DDB1: variants seen among roughly 807,000 people sequenced by gnomAD.
DDB1 encodes DNA damage-binding protein 1.
A neutral mutation model predicts 133.1 loss-of-function variants in DDB1; 18 were observed. The observed-to-expected ratio is 0.14, with a 90% CI of 0.09 to 0.20. The LOEUF (loss-of-function observed/expected upper bound fraction) is 0.20, where lower values mean the gene tolerates loss of function less well. DDB1 is among the 10% of genes least tolerant of loss of function. The probability of loss-of-function intolerance (pLI) is 1.00; values close to 1 mark genes in which losing one functional copy is unlikely to be tolerated. For missense variants in DDB1, 828 were observed against 1,459.2 expected (o/e 0.57, Z 7.05); for synonymous variants, 580 against 550.5 (o/e 1.05, Z -0.75).
At chr11:61,317,008 A>C in intron 10 of DDB1, among the ~76,000 whole-genome samples, 5 of 104,384 alleles carry the variant, frequency 4.8e-5, no homozygotes, top group East Asian at 3.3e-4. Context: ...TAGACATGGC[A>C]GCCTGACACC....
rs1856379938 is a variant in DDB1 at position 61,331,813 on chromosome 11, A to G, written c.62-122T>C. On this transcript the variant is annotated intron_variant, in intron 1 of 26. Transcript: ENST00000301764. Reference sequence around the variant, plus strand: ...CTCATTTACTTCACATACTTCTCCAACTCCCTCCAGCTACTCCCCTTCTTG... The same window carrying G: ...CTCATTTACTTCACATACTTCTCCAGCTCCCTCCAGCTACTCCCCTTCTTG... The G allele has an allele frequency of 2.2e-6, 3 of 1,358,820 alleles. No homozygotes were observed. The South Asian group carries it at 4.1e-5, about 19-fold the overall frequency. 84.2% of individuals were successfully genotyped at this position (1,358,820 alleles called of 1,614,324 possible).
chr11:61,304,817 G>C (rs1855858732), intron 21 of DDB1, among the ~76,000 whole-genome samples: 1 of 151,410 alleles, frequency 6.6e-6, no homozygotes, highest in African/African-American at 2.4e-5. Flanking sequence ...GGCGGAGCTT[G>C]CAGTGAGCCA....
intron 8 of DDB1, 177 bp from the exon 9 acceptor site, chr11:61,322,589 G>A (rs914157966): frequency 1.7e-6 from 1 of 596,558 alleles, no homozygotes; most frequent in Admixed American, 2.9e-5. Context: ...TTGTCCCACA[G>A]GTGACCCATT....
intron 10 of DDB1, among the ~76,000 whole-genome samples, chr11:61,316,959 AT>A (rs1856088388): frequency 3.9e-5 from 1 of 25,662 alleles, no homozygotes; most frequent in African/African-American, 9.4e-5. Context: ...ATATATATAT[AT>A]ATATATATAT....
Position 61,317,143 on chromosome 11 carries a change from C to A in DDB1, c.1226-576G>T, listed in dbSNP as rs138783828. ...TTGCTTGTTTTTTTTGAGACGGAGT[C>A]TCGCTCTGTCACCAGGCTGGAGTGC... On this transcript the variant is annotated intron_variant, in intron 10 of 26. Transcript: ENST00000301764. Among the ~76,000 whole-genome samples, 1,236 of 151,880 alleles carry A rather than the reference C, an allele frequency of 8.1e-3. 22 individuals carry two copies. The highest frequency in any genetic ancestry group is 0.029 in the African/African-American group (1,193 of 41,452).
At position 61,310,347 on chromosome 11, in the gene DDB1, T is replaced by C. The variant is rs1855944184; in HGVS notation, c.2349A>G (p.Gly783=). 6.2e-7 allele frequency: 1 copy of C among 1,612,922 alleles called. No homozygotes were observed. ...SSTAPHETSF[G]EEVEVHNLLI... ...GTAGGTTGTGCACCTCCACCTCTTC[T>C]CCAAAGGAGGTCTCATGAGGAGCAG... Residue 783 remains glycine, a synonymous_variant, in exon 19 of 27, where the codon GGA becomes GGG. Coordinates refer to ENST00000301764, the MANE Select transcript of DDB1 (RefSeq NM_001923.5).
At chr11:61,305,918 A>G (rs1855874947) in intron 21 of DDB1, among the ~76,000 whole-genome samples, 1 of 152,236 alleles carries the variant, frequency 6.6e-6, no homozygotes, top group Non-Finnish European at 1.5e-5. Context: ...TAGTATGAAA[A>G]ACTGTAAAAT....
chr11:61,323,248 T>C (rs1272791830), intron 7 of DDB1, 154 bp from the exon 8 acceptor site: 4 of 660,614 alleles, frequency 6.1e-6, no homozygotes, highest in Non-Finnish European at 1.1e-5. Flanking sequence ...ACTAAGCAAA[T>C]GTTTCTAAAT....
At position 61,316,952 on chromosome 11, in the gene DDB1, T is replaced by TATATAG. The variant is rs1221086558; in HGVS notation, c.1226-386_1226-385insCTATAT. Among the ~76,000 whole-genome samples the TATATAG allele has an allele frequency of 2.0e-3, 14 of 6,948 alleles. 1 individual carries two copies. Among genetic ancestry groups the TATATAG allele is most frequent in the Non-Finnish European group, 2.7e-3 (11 of 4,006 alleles). The allele number at this position is 6,948 out of a possible 152,430, so 4.6% of individuals were successfully genotyped here. The stretch of plus-strand genomic sequence containing the variant: ...AAAAAAAAAAAAAAGGATAGATATA[T>TATATAG]ATATATATATATATATATATATATA... On this transcript the variant is annotated intron_variant, in intron 10 of 26. Transcript: ENST00000301764.
At chr11:61,320,962 C>T (rs138949475) in intron 10 of DDB1, among the ~76,000 whole-genome samples, 111 of 151,894 alleles carry the variant, frequency 7.3e-4, no homozygotes, top group African/African-American at 2.6e-3. Flanking sequence ...TGGCTCTCTA[C>T]AGCCTCAACC....
Position 61,329,383 on chromosome 11 carries a change from T to G in DDB1, c.529A>C (p.Thr177Pro). The change falls in exon 4 of 27, where the codon ACT becomes CCT. Residue 177 changes from threonine (T) to proline (P), a missense_variant. Thr to Pro is a conservative substitution (Grantham distance 38). This residue lies in a region of DDB1 where 210 missense variants were observed against 344.8 expected (regional missense o/e 0.61). Coordinates refer to ENST00000301764, the MANE Select transcript of DDB1 (RefSeq NM_001923.5). ...VKFLYGCQAPTICFVYQDPQG... is the reference protein window; with the variant it reads ...VKFLYGCQAPPICFVYQDPQG... The stretch of plus-strand genomic sequence containing the variant: ...AGTACCTGGTAGACAAAGCAAATAG[T>G]AGGTGCTTGGCAACCATATAGGAAC... 1 of 1,614,174 alleles carries G rather than the reference T, an allele frequency of 6.2e-7. No individual in the cohort carries two copies. The highest frequency in any genetic ancestry group is 8.5e-7 in the Non-Finnish European group (1 of 1,180,020).
chr11:61,303,720 A>T, intron 22 of DDB1, 145 bp downstream of exon 22: 1 of 943,130 alleles, frequency 1.1e-6, no homozygotes, highest in Non-Finnish European at 1.5e-6. Context: ...AAAAAAAAAA[A>T]AAAACTTAAT....
rs202210402 is a variant in DDB1 at position 61,313,460 on chromosome 11, A to C, written c.2069+39T>G. ...TTGAGGAAAACATCATGACCCCCTC[A>C]ATCAATAGCTCTCATTAAATAAGGA... On this transcript the variant is annotated intron_variant, in intron 16 of 26. Transcript: ENST00000301764. 1.3e-4 allele frequency: 211 copies of C among 1,574,188 alleles called. 1 individual carries two copies. Among genetic ancestry groups the C allele is most frequent in the Middle Eastern group, 8.4e-4 (5 of 5,944 alleles).
chr11:61,323,515 T>C, intron 7 of DDB1: 1 of 241,114 alleles, frequency 4.1e-6, no homozygotes, highest in Non-Finnish European at 8.2e-6. Flanking sequence ...CGGGCTAAGG[T>C]GATCCTCCCA....
At chr11:61,306,736 G>A (rs374821270) in intron 21 of DDB1, among the ~76,000 whole-genome samples, 1 of 151,898 alleles carries the variant, frequency 6.6e-6, no homozygotes, top group South Asian at 2.1e-4. Flanking sequence ...AGATTCCAAC[G>A]CCCTGACCCC....
intron 10 of DDB1, among the ~76,000 whole-genome samples, chr11:61,319,557 G>C (rs1666302122): frequency 6.6e-6 from 1 of 151,434 alleles, no homozygotes; most frequent in South Asian, 2.1e-4. Flanking sequence ...TCAGCCTCCC[G>C]AGTAGCTGGG....
At chr11:61,322,205 A>T in intron 9 of DDB1, 91 bp downstream of exon 9, 1 of 1,019,920 alleles carries the variant, frequency 9.8e-7, no homozygotes, top group Non-Finnish European at 1.5e-6. Context: ...AAGTATTTTC[A>T]GTGCACCCTC....
chr11:61,305,434 G>C (rs1458607550), intron 21 of DDB1, among the ~76,000 whole-genome samples: 1 of 152,190 alleles, frequency 6.6e-6, no homozygotes, highest in Non-Finnish European at 1.5e-5. Flanking sequence ...TTCAACCAGG[G>C]AGTCGGAGGT....
intron 2 of DDB1, 127 bp from the exon 3 acceptor site, chr11:61,330,201 G>T: frequency 1.4e-6 from 1 of 695,796 alleles, no homozygotes; most frequent in South Asian, 2.0e-5. Context: ...GAAAATACAT[G>T]GTGAGCTTGT....
Sources: gnomAD v4.1 joint callset for allele counts (sites outside exome capture counted in the v4.1 genomes callset) on GRCh38, gnomAD v4.1.1 for gene constraint, gnomAD v4.1.1 regional missense constraint, MANE v1.5 for transcripts, NCBI Gene and HGNC (gene_info 2026-07-23, HGNC 2026-07-21) for gene names.